The following DNAH17 variants were observed in gnomAD, a reference collection of about 807,000 sequenced individuals.
The protein encoded by DNAH17 is dynein axonemal heavy chain 17, also known as axonemal beta dynein heavy chain 17.
In DNAH17, 376 loss-of-function variants were observed where a neutral mutation model predicts 485.6. That is an observed-to-expected ratio of 0.77 (90% CI 0.71 to 0.84). DNAH17 has a LOEUF of 0.84. DNAH17 is among the 40% of genes least tolerant of loss of function. The probability of loss-of-function intolerance (pLI) is 0.00; values close to 1 mark genes in which losing one functional copy is unlikely to be tolerated. For synonymous variants in DNAH17, 3,031 were observed against 2,405.9 expected (o/e 1.26, Z -7.60); for missense variants, 6,370 against 5,839.3 (o/e 1.09, Z -2.96).
At chr17:78,532,001 CG>C (rs2091253320) in intron 20 of DNAH17, among the ~76,000 whole-genome samples, 2 of 152,184 alleles carry the variant, frequency 1.3e-5, no homozygotes, top group Non-Finnish European at 2.9e-5. Flanking sequence ...TGAGCCAACC[CG>C]GAGCCCACAC....
At chr17:78,441,016 C>CGT in intron 72 of DNAH17, 35 bp downstream of exon 72, 1 of 1,553,510 alleles carries the variant, frequency 6.4e-7, no homozygotes, top group Non-Finnish European at 8.7e-7. Context: ...GACAATACTC[C>CGT]GTCTTTGAGA....
At position 78,529,699 on chromosome 17, in the gene DNAH17, G is replaced by A; in HGVS notation, c.3285-5C>T. On this transcript the variant is annotated splice_polypyrimidine_tract_variant and splice_region_variant and intron_variant, in intron 21 of 80. Transcript: ENST00000389840. ...AAGGCTTCCAGGTCAGCCAGGCTAA[G>A]GGACAAGGGGACCATTTGTGTGGCC... 2.5e-6 allele frequency: 4 copies of A among 1,613,398 alleles called. No homozygotes were observed. The highest frequency in any genetic ancestry group is 3.4e-6 in the Non-Finnish European group (4 of 1,179,460).
intron 2 of DNAH17, among the ~76,000 whole-genome samples, chr17:78,574,312 A>G (rs1176334645): frequency 6.6e-6 from 1 of 152,064 alleles, no homozygotes; most frequent in Non-Finnish European, 1.5e-5. Flanking sequence ...GCAACAGGCT[A>G]TTTTTTGGTG....
chr17:78,556,871 A>G (rs56197074), intron 14 of DNAH17, among the ~76,000 whole-genome samples: 107,280 of 152,104 alleles, frequency 0.71, 38,182 homozygotes, highest in Middle Eastern at 0.77. Flanking sequence ...ATGCAACAAC[A>G]TAGATTAACT....
At chr17:78,517,505 C>A (rs1196018118) in intron 25 of DNAH17, among the ~76,000 whole-genome samples, 6 of 152,224 alleles carry the variant, frequency 3.9e-5, no homozygotes, top group Non-Finnish European at 8.8e-5. Context: ...GGAGTCCAGC[C>A]TCCCTTCACA....
rs117729008 is a variant in DNAH17 at position 78,560,610 on chromosome 17, T to G, written c.2031+130A>C. On this transcript the variant is annotated intron_variant, in intron 13 of 80. Coordinates refer to ENST00000389840, the MANE Select transcript of DNAH17 (RefSeq NM_173628.4). ...GTCTTAAATATACCCTGGACACACT[T>G]AAGAAGTAAAGCTTTAGGCGAACTG... The G allele has an allele frequency of 1.4e-3, 1,435 of 1,016,294 alleles. 16 individuals carry two copies. In the East Asian group the frequency reaches 0.026, roughly 19 times the overall value. The allele number at this position is 1,016,294 out of a possible 1,614,324, so 63.0% of individuals were successfully genotyped here.
chr17:78,444,992 G>A (rs1598459190), intron 70 of DNAH17, among the ~76,000 whole-genome samples, 195 bp from the exon 71 acceptor site: 5 of 152,098 alleles, frequency 3.3e-5, no homozygotes, highest in Admixed American at 2.0e-4. Context: ...GGACAGCGCC[G>A]GGAGCCTCCT....
chr17:78,558,230 T>C lies in DNAH17; in HGVS notation c.2056A>G (p.Lys686Glu). The change falls in exon 14 of 81, where the codon AAG becomes GAG. Residue 686 changes from lysine to glutamate, a missense_variant. By Grantham distance (56) the Lys-to-Glu change is moderately conservative. Coordinates refer to ENST00000389840, the MANE Select transcript of DNAH17 (RefSeq NM_173628.4). ...KALVAVLREV[K>E]YLNFQQQKEI... ...TTCTGTTGCTGGAAATTCAAATACT[T>C]GACTTCTCTCAGAACTGCCACCAAC... 2 of 1,613,766 alleles carry C rather than the reference T, an allele frequency of 1.2e-6. No homozygotes were observed. The highest frequency in any genetic ancestry group is 1.7e-6 in the Non-Finnish European group (2 of 1,179,802).
intron 18 of DNAH17, 130 bp from the exon 19 acceptor site, chr17:78,537,611 G>T: frequency 9.0e-7 from 1 of 1,107,302 alleles, no homozygotes; most frequent in Non-Finnish European, 1.3e-6. Context: ...GCTTCTGAGA[G>T]CTCGTGTCTC....
chr17:78,539,650 G>T, intron 18 of DNAH17, 87 bp downstream of exon 18: 2 of 1,135,118 alleles, frequency 1.8e-6, no homozygotes, highest in Non-Finnish European at 2.4e-6. Flanking sequence ...TAAAATGATA[G>T]CCTGTTCATC....
At position 78,530,368 on chromosome 17, in the gene DNAH17, G is replaced by A; in HGVS notation, c.3259C>T (p.His1087Tyr). ...IRRWGFMFKRHLSNHVTNSLA... is the reference protein window; with the variant it reads ...IRRWGFMFKRYLSNHVTNSLA... ...CTGTTGGTGACGTGGTTGCTCAGGT[G>A]CCGCTTGAACATGAAGCCCCAGCGC... Residue 1087 changes from histidine to tyrosine, a missense_variant, in exon 21 of 81, where the codon CAC (histidine) becomes TAC (tyrosine). Coordinates refer to ENST00000389840, the MANE Select transcript of DNAH17 (RefSeq NM_173628.4). 1.2e-6 allele frequency: 2 copies of A among 1,611,634 alleles called. No individual in the cohort carries two copies. The highest frequency in any genetic ancestry group is 1.7e-6 in the Non-Finnish European group (2 of 1,178,228).
intron 16 of DNAH17, among the ~76,000 whole-genome samples, chr17:78,551,096 T>C (rs934616254): frequency 6.6e-6 from 1 of 152,170 alleles, no homozygotes; most frequent in Non-Finnish European, 1.5e-5. Context: ...TTTGGATATA[T>C]TGCTGCAAGT....
chr17:78,566,820 C>G, intron 10 of DNAH17, 90 bp from the exon 11 acceptor site: 1 of 1,324,168 alleles, frequency 7.6e-7, no homozygotes, highest in East Asian at 2.5e-5. Flanking sequence ...TGAGAGGACT[C>G]GGGACTGAGG....
At position 78,574,681 on chromosome 17, in the gene DNAH17, G is replaced by A. The variant is rs748511851; in HGVS notation, c.345+32C>T. ...CGCTCCCGAGAAGTCGGTCGTGCTC[G>A]ACACCCCGGATGGCAGCCTGGACGC... On this transcript the variant is annotated intron_variant, in intron 2 of 80. Transcript: ENST00000389840. 17 of 1,557,042 alleles carry A rather than the reference G, an allele frequency of 1.1e-5. No individual in the cohort carries two copies. In the Admixed American group the frequency reaches 1.6e-4, roughly 15 times the overall value.
At chr17:78,469,351 C>T (rs1201116855) in intron 54 of DNAH17, among the ~76,000 whole-genome samples, 4 of 152,286 alleles carry the variant, frequency 2.6e-5, no homozygotes, top group South Asian at 4.1e-4. Context: ...CTATGTTAGC[C>T]AGGAGGGCCT....
At chr17:78,514,363 G>C (rs2090717924) in intron 26 of DNAH17, among the ~76,000 whole-genome samples, 1 of 151,892 alleles carries the variant, frequency 6.6e-6, no homozygotes, top group Admixed American at 6.6e-5. Context: ...AAATTAGCTG[G>C]GTGTGGTGGT....
At chr17:78,568,092 G>A (rs963617321) in intron 9 of DNAH17, among the ~76,000 whole-genome samples, 5 of 152,138 alleles carry the variant, frequency 3.3e-5, no homozygotes, top group Non-Finnish European at 7.3e-5. Flanking sequence ...CGACGCGGAG[G>A]ACACAGACAA....
At position 78,486,507 on chromosome 17, in the gene DNAH17, C is replaced by G. The variant is rs758135021; in HGVS notation, c.6819-1G>C. On this transcript the variant is annotated splice_acceptor_variant, in intron 44 of 80. Coordinates refer to ENST00000389840, the MANE Select transcript of DNAH17 (RefSeq NM_173628.4). LOFTEE classifies it high-confidence loss of function. ...CCTCTCGATCCAGCTGCTCACCACC[C>G]TGGGGGTGACAGGAGGCGCCGATGA... 6.3e-7 allele frequency: 1 copy of G among 1,597,414 alleles called. No individual in the cohort carries two copies. Among genetic ancestry groups the G allele is most frequent in the South Asian group, 1.1e-5 (1 of 89,626 alleles).
intron 74 of DNAH17, 21 bp downstream of exon 74, chr17:78,437,620 C>A: frequency 6.3e-7 from 1 of 1,576,436 alleles, no homozygotes; most frequent in Non-Finnish European, 8.6e-7. Flanking sequence ...GGGGAGGCAG[C>A]CCGAGCAGGC....
Sources: allele counts gnomAD v4.1 joint callset (sites outside exome capture counted in the v4.1 genomes callset), GRCh38; gene constraint gnomAD v4.1.1; transcripts MANE v1.5; gene names NCBI Gene and HGNC (gene_info 2026-07-23, HGNC 2026-07-21).